The following CSMD1 variants were observed in gnomAD, a reference collection of about 807,000 sequenced individuals.
The protein encoded by CSMD1 is CUB and Sushi multiple domains 1, also known as CUB and sushi domain-containing protein 1.
Under a neutral mutation model 417.5 loss-of-function variants are expected in CSMD1, and 213 were observed. The ratio of observed to expected loss-of-function variants is 0.51; its 90% CI spans 0.46 to 0.57. The LOEUF (loss-of-function observed/expected upper bound fraction) is 0.57. CSMD1 is among the 20% of genes least tolerant of loss of function. The pLI, the probability that CSMD1 is intolerant of heterozygous loss-of-function variation, is 0.00. For missense variants in CSMD1, 6,923 were observed against 4,529.7 expected, an observed-to-expected ratio of 1.53 and a Z score of -15.17; for synonymous variants, 2,862 against 1,736.8, an observed-to-expected ratio of 1.65 and a Z score of -16.11.
chr8:4,787,633 T>C (rs1276771969), intron 1 of CSMD1: 21 of 1,583,396 alleles, frequency 1.3e-5, no homozygotes, highest in East Asian at 2.2e-5. Context: ...CAACTGGTTC[T>C]TTTCTCAAAA....
chr8:4,766,218 G>A (rs143525869), intron 1 of CSMD1, among the ~76,000 whole-genome samples: 2 of 152,162 alleles, frequency 1.3e-5, no homozygotes, highest in Non-Finnish European at 2.9e-5. Context: ...GCATGTGCTG[G>A]TGCGTTGGCA....
At chr8:4,254,964 C>T (rs573210597) in intron 3 of CSMD1, among the ~76,000 whole-genome samples, 1 of 152,190 alleles carries the variant, frequency 6.6e-6, no homozygotes, top group Non-Finnish European at 1.5e-5. Flanking sequence ...ACTCCATAAC[C>T]ATCGACTTTA....
chr8:4,005,902 G>A (rs1816072977), intron 4 of CSMD1, among the ~76,000 whole-genome samples: 1 of 152,140 alleles, frequency 6.6e-6, no homozygotes, highest in African/African-American at 2.4e-5. Context: ...ACTGGGAATT[G>A]GCTTAGAAGT....
At chr8:4,747,293 G>C (rs1811022405) in intron 1 of CSMD1, among the ~76,000 whole-genome samples, 1 of 152,128 alleles carries the variant, frequency 6.6e-6, no homozygotes. Flanking sequence ...TTTCTACTCT[G>C]AACGGAGCCT....
At chr8:4,867,978 T>C (rs1802515819) in intron 1 of CSMD1, among the ~76,000 whole-genome samples, 1 of 152,080 alleles carries the variant, frequency 6.6e-6, no homozygotes, top group Non-Finnish European at 1.5e-5. Context: ...TACACGTTTG[T>C]ACATCCTTTA....
At chr8:4,980,849 A>G (rs143108047) in intron 1 of CSMD1, among the ~76,000 whole-genome samples, 680 of 151,994 alleles carry the variant, frequency 4.5e-3, no homozygotes, top group African/African-American at 0.015. Context: ...GGCTGCAGTG[A>G]GCGAAGATCG....
chr8:3,110,432 T>G (rs1816434236), intron 42 of CSMD1, 97 bp from the exon 43 acceptor site: 3 of 1,016,290 alleles, frequency 3.0e-6, no homozygotes, highest in East Asian at 5.7e-5. Context: ...CCAACATTTT[T>G]CCTGATGGGA....
intron 54 of CSMD1, among the ~76,000 whole-genome samples, chr8:2,995,615 T>A (rs989943597): frequency 1.3e-5 from 2 of 152,158 alleles, no homozygotes; most frequent in South Asian, 4.1e-4. Context: ...CGTAGCAGCA[T>A]TGTTTGTGAC....
chr8:4,212,916 C>A (rs1382015195), intron 3 of CSMD1, among the ~76,000 whole-genome samples: 4 of 152,022 alleles, frequency 2.6e-5, no homozygotes. Context: ...GAAGACACTT[C>A]TTCTCATTCC....
chr8:4,951,810 C>A (rs1808767722), intron 1 of CSMD1, among the ~76,000 whole-genome samples: 1 of 151,558 alleles, frequency 6.6e-6, no homozygotes, highest in Non-Finnish European at 1.5e-5. Flanking sequence ...TGAGCCTTCT[C>A]CTTTGCACAA....
At chr8:3,061,068 G>T (rs746541884) in intron 49 of CSMD1, among the ~76,000 whole-genome samples, 54 of 152,158 alleles carry the variant, frequency 3.5e-4, no homozygotes, top group Admixed American at 6.5e-4. Context: ...ATATGTTATA[G>T]AAACAGAATA....
At chr8:3,980,100 T>A (rs1303814404) in intron 5 of CSMD1, among the ~76,000 whole-genome samples, 1 of 148,774 alleles carries the variant, frequency 6.7e-6, no homozygotes, top group Non-Finnish European at 1.5e-5. Context: ...TACTTTTGTC[T>A]GTTTTTTCTA....
At chr8:3,306,985 T>TAACAC (rs1563252703) in intron 25 of CSMD1, among the ~76,000 whole-genome samples, 1 of 152,098 alleles carries the variant, frequency 6.6e-6, no homozygotes, top group African/African-American at 2.4e-5. Context: ...CTTTTATATG[T>TAACAC]GTTACTTTAG....
chr8:4,460,910 A>C (rs1799775785), intron 2 of CSMD1, among the ~76,000 whole-genome samples: 1 of 152,200 alleles, frequency 6.6e-6, no homozygotes, highest in South Asian at 2.1e-4. Context: ...ATCACATTCC[A>C]ACTTATTTTA....
chr8:4,957,712 C>T (rs569233502), intron 1 of CSMD1, among the ~76,000 whole-genome samples: 18 of 152,104 alleles, frequency 1.2e-4, no homozygotes, highest in Non-Finnish European at 2.2e-4. Flanking sequence ...TTGTTTGTTT[C>T]TTACCATGTC....
At chr8:4,130,742 G>A (rs1048920303) in intron 3 of CSMD1, among the ~76,000 whole-genome samples, 34 of 152,022 alleles carry the variant, frequency 2.2e-4, no homozygotes, top group Admixed American at 7.2e-4. Context: ...TCAACTCAAA[G>A]GAAGATTTTG....
At chr8:3,684,177 T>A (rs1799813853) in intron 7 of CSMD1, among the ~76,000 whole-genome samples, 3 of 132,330 alleles carry the variant, frequency 2.3e-5, no homozygotes, top group African/African-American at 8.7e-5. Flanking sequence ...TATATTTACA[T>A]GTTACATGTA....
intron 5 of CSMD1, among the ~76,000 whole-genome samples, chr8:3,872,481 G>T: frequency 6.6e-6 from 1 of 152,188 alleles, no homozygotes; most frequent in East Asian, 1.9e-4. Flanking sequence ...GACAAGGCAG[G>T]TAAAATGTGC....
At chr8:3,928,638 T>A (rs559572914) in intron 5 of CSMD1, among the ~76,000 whole-genome samples, 1 of 149,584 alleles carries the variant, frequency 6.7e-6, no homozygotes, top group Non-Finnish European at 1.5e-5. Context: ...AATAAGAGTA[T>A]ACATGACAAT....
Sources: gnomAD v4.1 joint callset for allele counts (sites outside exome capture counted in the v4.1 genomes callset) on GRCh38, gnomAD v4.1.1 for gene constraint, MANE v1.5 for transcripts, NCBI Gene and HGNC (gene_info 2026-07-23, HGNC 2026-07-21) for gene names.